Variants in PPM1L observed in about 807,000 individuals in gnomAD.
PPM1L encodes the protein protein phosphatase 1L.
A neutral mutation model predicts 31.4 loss-of-function variants in PPM1L; 13 were observed. The observed-to-expected ratio is 0.41, with a 90% confidence interval of 0.27 to 0.66. The LOEUF (loss-of-function observed/expected upper bound fraction) is 0.66. Ranked by LOEUF, PPM1L falls within the 30% of genes least tolerant of loss-of-function variation. The pLI is 0.29. For missense variants in PPM1L, 326 were observed against 453.7 expected (o/e 0.72, Z 2.56); for synonymous variants, 184 against 175.4 (o/e 1.05, Z -0.39).
At chr3:160,926,844 G>A (rs897249281) in intron 1 of PPM1L, among the ~76,000 whole-genome samples, 3 of 152,160 alleles carry the variant, frequency 2.0e-5, no homozygotes, top group Non-Finnish European at 4.4e-5. Flanking sequence ...ACTTGCTTGG[G>A]TTATTGGATA....
chr3:160,938,850 A>T (rs1715065640), intron 1 of PPM1L, among the ~76,000 whole-genome samples: 1 of 152,144 alleles, frequency 6.6e-6, no homozygotes, highest in Admixed American at 6.5e-5. Flanking sequence ...GGAATAACAG[A>T]ACTTTATTGC....
chr3:160,867,441 C>T (rs1310345171), intron 1 of PPM1L, among the ~76,000 whole-genome samples: 2 of 150,956 alleles, frequency 1.3e-5, no homozygotes, highest in African/African-American at 4.9e-5. Flanking sequence ...GTTCTCTAAC[C>T]CCCTCCTCTA....
chr3:161,003,099 C>G (rs1717561777), intron 2 of PPM1L, among the ~76,000 whole-genome samples: 1 of 151,510 alleles, frequency 6.6e-6, no homozygotes, highest in South Asian at 2.1e-4. Flanking sequence ...ATAGGGAATC[C>G]TTTCCCCATT....
At chr3:160,972,396 G>C (rs1482591903) in intron 2 of PPM1L, among the ~76,000 whole-genome samples, 2 of 132,662 alleles carry the variant, frequency 1.5e-5, no homozygotes, top group Non-Finnish European at 3.0e-5. Context: ...TCCCCTTCCT[G>C]TGTCCATGTG....
chr3:160,924,551 C>A lies in PPM1L; in HGVS notation c.400-37185C>A, dbSNP rs147450816. Among the ~76,000 whole-genome samples the A allele has an allele frequency of 2.3e-3, 348 of 152,296 alleles. 3 individuals are homozygous for A. The highest frequency in any genetic ancestry group is 0.01 in the Middle Eastern group (3 of 294). On this transcript the variant is annotated intron_variant, in intron 1 of 3. Coordinates refer to ENST00000498165, the MANE Select transcript of PPM1L (RefSeq NM_139245.4). ...AATGTGGAAGTCAGTGCCTACCTAC[C>A]ATTGTTCTCCAGGACAATATAAAAT...
chr3:161,014,773 A>G (rs1718025458), intron 2 of PPM1L, among the ~76,000 whole-genome samples: 1 of 152,134 alleles, frequency 6.6e-6, no homozygotes, highest in Admixed American at 6.5e-5. Context: ...CCTGGCCAGG[A>G]TTTTTAAGTG....
chr3:160,900,664 TATTTATAGCCAC>T (rs1345963336), intron 1 of PPM1L, among the ~76,000 whole-genome samples: 1 of 152,156 alleles, frequency 6.6e-6, no homozygotes, highest in Admixed American at 6.5e-5. Flanking sequence ...AATGTGGCTA[TATTTATAGCCAC>T]ATTATAATAA....
chr3:160,823,482 G>A (rs1406196489), intron 1 of PPM1L, among the ~76,000 whole-genome samples: 2 of 151,530 alleles, frequency 1.3e-5, no homozygotes, highest in Admixed American at 6.6e-5. Context: ...CAAAGTGCTG[G>A]CATTACAGGC....
In PPM1L at chr3:161,050,141, G is replaced by GT. The variant is rs1719225386; in HGVS notation, c.575-15256dup. ...GGCGTTCCCTGTTCCTTCTGATACT[G>GT]TTTTTTCTTTCTCTGGAACTACATT... is the stretch of plus-strand genomic sequence containing the variant. On this transcript the variant is annotated intron_variant, in intron 2 of 3. Transcript: ENST00000498165. 2.0e-5 allele frequency among the ~76,000 whole-genome samples: 3 copies of GT among 152,272 alleles called. No homozygotes were observed. In the South Asian group the frequency reaches 6.2e-4, roughly 32 times the overall value.
At chr3:160,859,924 G>T (rs908865737) in intron 1 of PPM1L, among the ~76,000 whole-genome samples, 15 of 152,186 alleles carry the variant, frequency 9.9e-5, no homozygotes, top group African/African-American at 3.4e-4. Context: ...TTATTTAGCT[G>T]TAACCTCGAT....
chr3:161,023,163 C>T (rs1250273974), intron 2 of PPM1L, among the ~76,000 whole-genome samples: 1 of 146,952 alleles, frequency 6.8e-6, no homozygotes, highest in Non-Finnish European at 1.5e-5. Flanking sequence ...TCAAGATTCT[C>T]TTTCAGTCTT....
At chr3:160,842,800 A>G (rs1713926792) in intron 1 of PPM1L, among the ~76,000 whole-genome samples, 1 of 152,198 alleles carries the variant, frequency 6.6e-6, no homozygotes, top group Non-Finnish European at 1.5e-5. Context: ...GCCAACTGGA[A>G]GGGCCAAACC....
chr3:161,053,011 G>A (rs947395730), intron 2 of PPM1L, among the ~76,000 whole-genome samples: 4 of 152,288 alleles, frequency 2.6e-5, no homozygotes, highest in South Asian at 2.1e-4. Context: ...AGCAGAGACC[G>A]TAGTTATAAT....
At chr3:160,779,474 T>A (rs1187845994) in intron 1 of PPM1L, among the ~76,000 whole-genome samples, 1 of 152,106 alleles carries the variant, frequency 6.6e-6, no homozygotes, top group East Asian at 1.9e-4. Context: ...CAGTGGTTAA[T>A]GATGTGGACT....
Position 160,944,846 on chromosome 3 carries a change from TATAACATATATTATATATA to T in PPM1L, c.400-16887_400-16869del, listed in dbSNP as rs1559897116. 3.7e-3 allele frequency among the ~76,000 whole-genome samples: 216 copies of T among 58,970 alleles called. 40 individuals are homozygous for T. Among genetic ancestry groups the T allele is most frequent in the African/African-American group, 0.011 (208 of 18,474 alleles). 38.7% of individuals were successfully genotyped at this position (58,970 alleles called of 152,430 possible). On this transcript the variant is annotated intron_variant, in intron 1 of 3. Coordinates refer to ENST00000498165, the MANE Select transcript of PPM1L (RefSeq NM_139245.4). ...TTATATATAACATATATATGTTATA[TATAACATATATTATATATA>T]ATGTTATATATAACATATATATTAT...
chr3:160,940,233 C>G (rs553063364), intron 1 of PPM1L, among the ~76,000 whole-genome samples: 20 of 152,244 alleles, frequency 1.3e-4, no homozygotes, highest in African/African-American at 4.8e-4. Context: ...ATAAGGGAAG[C>G]AGAGCACAAG....
chr3:161,059,479 G>A (rs1719511851), intron 2 of PPM1L, among the ~76,000 whole-genome samples: 1 of 152,174 alleles, frequency 6.6e-6, no homozygotes. Flanking sequence ...GAACTGGGCT[G>A]ACCTGTCAGA....
chr3:161,039,806 G>A (rs1470935859), intron 2 of PPM1L, among the ~76,000 whole-genome samples: 1 of 152,166 alleles, frequency 6.6e-6, no homozygotes, highest in Admixed American at 6.5e-5. Context: ...GTGAGCCACT[G>A]CGCCCGGCCA....
intron 2 of PPM1L, among the ~76,000 whole-genome samples, chr3:160,983,533 C>T (rs1320554384): frequency 6.6e-6 from 1 of 152,018 alleles, no homozygotes; most frequent in East Asian, 1.9e-4. Flanking sequence ...TCTGTAAATC[C>T]CTGACTAGCT....
Sources: gnomAD v4.1 joint callset for allele counts (sites outside exome capture counted in the v4.1 genomes callset) on GRCh38, gnomAD v4.1.1 for gene constraint, MANE v1.5 for transcripts, NCBI Gene and HGNC (gene_info 2026-07-23, HGNC 2026-07-21) for gene names.